Variants in DYRK2 observed in about 807,000 individuals in gnomAD.
DYRK2 encodes the protein dual specificity tyrosine phosphorylation regulated kinase 2, also known as dual specificity tyrosine-phosphorylation-regulated kinase 2.
A neutral mutation model predicts 41.6 loss-of-function variants in DYRK2; 12 were observed. The ratio of observed to expected loss-of-function variants is 0.29; its 90% CI spans 0.18 to 0.47. The LOEUF (loss-of-function observed/expected upper bound fraction) is 0.47. Ranked by LOEUF, DYRK2 falls within the 20% of genes least tolerant of loss-of-function variation. The pLI is 1.00. For missense variants in DYRK2, 678 were observed against 798.4 expected (o/e 0.85, Z 1.82); for synonymous variants, 322 against 315.7 (o/e 1.02, Z -0.21).
At chr12:67,650,835 A>G (rs1872301760) in intron 2 of DYRK2, among the ~76,000 whole-genome samples, 1 of 152,166 alleles carries the variant, frequency 6.6e-6, no homozygotes, top group African/African-American at 2.4e-5. Context: ...TGGATTTTCC[A>G]CAGGAACAGC....
rs760852696 is a variant in DYRK2 at position 67,658,399 on chromosome 12, A to C, written c.1492A>C (p.Asn498His). ...CCCACCGGAGAGCAGAGAGTGGGGG[A>C]ACGCGCTGAAGGGGTGTGATGATCC... ...RGPPESREWGNALKGCDDPLF... is the reference protein window; with the variant it reads ...RGPPESREWGHALKGCDDPLF... The change falls in exon 3 of 3, where the codon AAC becomes CAC. Residue 498 changes from asparagine (N) to histidine (H), a missense_variant. Transcript: ENST00000344096. The surrounding 1 kb of genome is among the most constrained non-coding windows in gnomAD (Gnocchi z 4.3). The C allele has an allele frequency of 6.3e-7, 1 of 1,599,642 alleles. No individual in the cohort carries two copies. The highest frequency in any genetic ancestry group is 8.5e-7 in the Non-Finnish European group (1 of 1,173,734).
Position 67,649,119 on chromosome 12 carries a change from T to C in DYRK2, c.-15T>C. 6.6e-7 allele frequency: 1 copy of C among 1,508,598 alleles called. No individual in the cohort carries two copies. The highest frequency in any genetic ancestry group is 8.9e-7 in the Non-Finnish European group (1 of 1,125,466). The allele number at this position is 1,508,598 out of a possible 1,614,324, so 93.5% of individuals were successfully genotyped here. ...GCGACGGCAGCCCTGAAATGCATTTTCCTCTCCAGCGGCCATGTTAACCAG... is the reference window on the plus strand; with the variant it reads ...GCGACGGCAGCCCTGAAATGCATTTCCCTCTCCAGCGGCCATGTTAACCAG... On this transcript the variant is annotated 5_prime_UTR_variant, in exon 1 of 3. Transcript: ENST00000344096.
Position 67,648,944 on chromosome 12 carries a change from G to T in DYRK2, c.-190G>T, listed in dbSNP as rs961614935. On this transcript the variant is annotated 5_prime_UTR_variant, in exon 1 of 3. Coordinates refer to ENST00000344096, the MANE Select transcript of DYRK2 (RefSeq NM_006482.3). ...GCGAGGAGGAGAGCGGGGGGCTCGC[G>T]GCGGCGGGCCCCGGCCGAGGGGATG... 1.8e-5 allele frequency: 7 copies of T among 393,768 alleles called. No individual in the cohort carries two copies. 24.4% of individuals were successfully genotyped at this position (393,768 alleles called of 1,614,324 possible). A position where few individuals can be genotyped will look rare whatever the true frequency, so the allele number is the denominator to read the frequency against.
intron 2 of DYRK2, among the ~76,000 whole-genome samples, chr12:67,650,549 C>G (rs1279307888): frequency 6.6e-6 from 1 of 152,230 alleles, no homozygotes; most frequent in African/African-American, 2.4e-5. Context: ...CAAGCCACCC[C>G]TGTAGGATTC....
rs1010633472 is a variant in DYRK2, at chr12:67,662,277, A to G, written c.*3564A>G. On this transcript the variant is annotated 3_prime_UTR_variant, in exon 3 of 3. Coordinates refer to ENST00000344096, the MANE Select transcript of DYRK2 (RefSeq NM_006482.3). ...TGAACTCTGTTTCTTAGGGGCTTGT[A>G]CATCTCTCTGCTATGGACATACATA... The G allele has an allele frequency of 1.8e-5, 3 of 166,950 alleles. No homozygotes were observed. The South Asian group carries it at 6.2e-4, about 35-fold the overall frequency. 10.3% of individuals were successfully genotyped at this position (166,950 alleles called of 1,614,324 possible). A position where few individuals can be genotyped will look rare whatever the true frequency, so the allele number is the denominator to read the frequency against.
rs376370621 is a variant in DYRK2, at chr12:67,657,588, C to T, written c.681C>T (p.Val227=). ...HVAYRYEVLK[V]IGKGSFGQVV... ...CTTACAGGTATGAGGTCCTCAAGGT[C>T]ATTGGGAAGGGGAGCTTTGGGCAGG... The change falls in exon 3 of 3, where the codon GTC becomes GTT. Residue 227 remains valine (V), a synonymous_variant. Coordinates refer to ENST00000344096, the MANE Select transcript of DYRK2 (RefSeq NM_006482.3). The surrounding 1 kb of genome is among the most constrained non-coding windows in gnomAD (Gnocchi z 4.8). The T allele has an allele frequency of 1.9e-6, 3 of 1,613,920 alleles. No homozygotes were observed. Among genetic ancestry groups the T allele is most frequent in the Non-Finnish European group, 2.5e-6 (3 of 1,180,026 alleles).
rs776636794 is a variant in DYRK2, at chr12:67,657,926, A to T, written c.1019A>T (p.His340Leu). The T allele has an allele frequency of 3.1e-6, 5 of 1,614,242 alleles. No individual in the cohort carries two copies. Among genetic ancestry groups the T allele is most frequent in the Non-Finnish European group, 4.2e-6 (5 of 1,180,048 alleles). The change falls in exon 3 of 3, where the codon CAC (histidine) becomes CTC (leucine). Residue 340 changes from histidine to leucine, a missense_variant. Physicochemically the swap from His to Leu is moderately conservative, Grantham distance 99. Coordinates refer to ENST00000344096, the MANE Select transcript of DYRK2 (RefSeq NM_006482.3). This position sits in a 1 kb window ranked among gnomAD's most constrained non-coding sequence, Gnocchi z 4.8. ...HSILQCLDAL[H>L]KNRIIHCDLK... The stretch of plus-strand genomic sequence containing the variant: ...ATTCTGCAGTGCTTGGATGCTTTGC[A>T]CAAAAACAGAATAATTCACTGTGAC...
At chr12:67,654,957 A>G (rs533895536) in intron 2 of DYRK2, among the ~76,000 whole-genome samples, 1 of 152,254 alleles carries the variant, frequency 6.6e-6, no homozygotes, top group African/African-American at 2.4e-5. Flanking sequence ...AAGAGAATCG[A>G]GATTTGAACC....
intron 1 of DYRK2, 135 bp downstream of exon 1, chr12:67,649,317 CG>C: frequency 1.6e-6 from 1 of 618,986 alleles, no homozygotes; most frequent in Non-Finnish European, 2.2e-6. Context: ...CCCGGGCGGA[CG>C]ACGCGCCCCG....
chr12:67,649,962 G>T lies in DYRK2; in HGVS notation c.198+17G>T. 7.5e-7 allele frequency: 1 copy of T among 1,327,810 alleles called. No individual in the cohort carries two copies. Among genetic ancestry groups the T allele is most frequent in the Non-Finnish European group, 9.6e-7 (1 of 1,043,072 alleles). 82.3% of individuals were successfully genotyped at this position (1,327,810 alleles called of 1,614,324 possible). A position where few individuals can be genotyped will look rare whatever the true frequency, so the allele number is the denominator to read the frequency against. ...GCCCACACGGTGAGACCCAGCCCGCGGGCGGCCCGGGCGGTGGGGGCGGGA... is the reference window on the plus strand; with the variant it reads ...GCCCACACGGTGAGACCCAGCCCGCTGGCGGCCCGGGCGGTGGGGGCGGGA... On this transcript the variant is annotated intron_variant, in intron 2 of 2. Transcript: ENST00000344096.
intron 2 of DYRK2, chr12:67,652,510 G>A (rs1449844809): frequency 6.6e-6 from 1 of 152,130 alleles, no homozygotes; most frequent in East Asian, 1.9e-4. Context: ...GGGCCACACA[G>A]ACTGTCAGAA....
chr12:67,652,251 A>G (rs972180722), intron 2 of DYRK2, among the ~76,000 whole-genome samples: 1 of 152,068 alleles, frequency 6.6e-6, no homozygotes, highest in Admixed American at 6.6e-5. Flanking sequence ...TGTTTGTGTG[A>G]GAGAGAGAAG....
Position 67,663,671 on chromosome 12 carries a change from G to C in DYRK2, c.*4958G>C, listed in dbSNP as rs1283022326. Reference sequence around the variant, plus strand: ...TGCATTATGTACAAAATTGAAAATTGGTGCTAAAGTGGCAATGTCAATTTA... The same window carrying C: ...TGCATTATGTACAAAATTGAAAATTCGTGCTAAAGTGGCAATGTCAATTTA... On this transcript the variant is annotated 3_prime_UTR_variant, in exon 3 of 3. Coordinates refer to ENST00000344096, the MANE Select transcript of DYRK2 (RefSeq NM_006482.3). 6.6e-6 allele frequency: 1 copy of C among 152,132 alleles called. No individual in the cohort carries two copies. Among genetic ancestry groups the C allele is most frequent in the Admixed American group, 6.6e-5 (1 of 15,266 alleles). The allele number at this position is 152,132 out of a possible 1,614,324, so 9.4% of individuals were successfully genotyped here. A position where few individuals can be genotyped will look rare whatever the true frequency, so the allele number is the denominator to read the frequency against.
chr12:67,655,587 A>G (rs942865310), intron 2 of DYRK2, among the ~76,000 whole-genome samples: 6 of 152,224 alleles, frequency 3.9e-5, no homozygotes, highest in Non-Finnish European at 8.8e-5. Flanking sequence ...AAGCTCAGTT[A>G]TAAGTCTAAG....
chr12:67,657,413 C>T lies in DYRK2; in HGVS notation c.506C>T (p.Ala169Val), dbSNP rs773437748. The T allele has an allele frequency of 6.2e-7, 1 of 1,614,118 alleles. No homozygotes were observed. The highest frequency in any genetic ancestry group is 1.1e-5 in the South Asian group (1 of 91,076). ...AAGCAATACATGCAAAAACTCACAGCCTTCGAACACCATGAGATTTTCAGC... is the reference window on the plus strand; with the variant it reads ...AAGCAATACATGCAAAAACTCACAGTCTTCGAACACCATGAGATTTTCAGC... ...AMKQYMQKLT[A>V]FEHHEIFSYP... Residue 169 changes from alanine (A) to valine (V), a missense_variant, in exon 3 of 3, where the codon GCC becomes GTC. Physicochemically the swap from Ala to Val is moderately conservative, Grantham distance 64. This residue lies in a region of DYRK2 where 285 missense variants were observed against 279.2 expected (regional missense o/e 1.02). Coordinates refer to ENST00000344096, the MANE Select transcript of DYRK2 (RefSeq NM_006482.3). This position sits in a 1 kb window ranked among gnomAD's most constrained non-coding sequence, Gnocchi z 4.8.
At chr12:67,653,391 T>C (rs1337841553) in intron 2 of DYRK2, among the ~76,000 whole-genome samples, 1 of 152,234 alleles carries the variant, frequency 6.6e-6, no homozygotes, top group Non-Finnish European at 1.5e-5. Context: ...AGTCCTGCAA[T>C]GTTTGAGATT....
In DYRK2 at chr12:67,649,907, C is replaced by T; in HGVS notation, c.160C>T (p.Pro54Ser). The T allele has an allele frequency of 7.2e-7, 1 of 1,382,418 alleles. No individual in the cohort carries two copies. Among genetic ancestry groups the T allele is most frequent in the South Asian group, 1.9e-5 (1 of 54,034 alleles). 85.6% of individuals were successfully genotyped at this position (1,382,418 alleles called of 1,614,324 possible). A position where few individuals can be genotyped will look rare whatever the true frequency, so the allele number is the denominator to read the frequency against. The stretch of plus-strand genomic sequence containing the variant: ...CCCGCCCTCCCCCATCGCCCTGCCG[C>T]CTCTCCGGGCCAGCAACGCTGCCGC... ...TGPPSPIALP[P>S]LRASNAAAAA... Residue 54 changes from proline (P) to serine (S), a missense_variant, in exon 2 of 3, where the codon CCT becomes TCT. Around this residue, in one of 2 missense-constraint regions of DYRK2, gnomAD observed 285 missense variants for 279.2 expected, o/e 1.02. Transcript: ENST00000344096.
chr12:67,657,843 C>G lies in DYRK2; in HGVS notation c.936C>G (p.Ile312Met). 1 of 1,614,218 alleles carries G rather than the reference C, an allele frequency of 6.2e-7. No homozygotes were observed. The highest frequency in any genetic ancestry group is 8.5e-7 in the Non-Finnish European group (1 of 1,180,040). ...ELLSMNLYEL[I>M]KKNKFQGFSL... The stretch of plus-strand genomic sequence containing the variant: ...TGAGCATGAACCTCTATGAGCTCAT[C>G]AAGAAGAATAAATTCCAGGGCTTCA... The change falls in exon 3 of 3, where the codon ATC becomes ATG. Residue 312 changes from isoleucine (I) to methionine (M), a missense_variant. This residue lies in a region of DYRK2 where 393 missense variants were observed against 519.1 expected (regional missense o/e 0.76). Transcript: ENST00000344096. This position sits in a 1 kb window ranked among gnomAD's most constrained non-coding sequence, Gnocchi z 4.8.
intron 2 of DYRK2, among the ~76,000 whole-genome samples, chr12:67,655,746 G>A (rs938883533): frequency 3.3e-5 from 5 of 152,192 alleles, no homozygotes; most frequent in Admixed American, 6.5e-5. Context: ...AAATGTGAAC[G>A]TCTTGGTCTG....
Sources: gnomAD v4.1 joint callset for allele counts (sites outside exome capture counted in the v4.1 genomes callset) on GRCh38, gnomAD v4.1.1 for gene constraint, gnomAD v4.1.1 regional missense constraint, Gnocchi (gnomAD v3.1) non-coding constraint, MANE v1.5 for transcripts, NCBI Gene and HGNC (gene_info 2026-07-23, HGNC 2026-07-21) for gene names.